Variants in PPFIA4 observed in about 807,000 individuals in gnomAD.
The protein encoded by PPFIA4 is PPFI scaffold protein A4.
A neutral mutation model predicts 145.7 loss-of-function variants in PPFIA4; 98 were observed. The observed-to-expected ratio is 0.67, with a 90% CI of 0.57 to 0.80. PPFIA4 has a LOEUF of 0.80. PPFIA4 is among the 30% of genes least tolerant of loss of function. The probability of loss-of-function intolerance (pLI) is 0.00; values close to 1 mark genes in which losing one functional copy is unlikely to be tolerated. For synonymous variants in PPFIA4, 628 were observed against 649.6 expected (o/e 0.97, Z 0.51); for missense variants, 1,457 against 1,632.7 (o/e 0.89, Z 1.85).
chr1:203,038,780 C>A lies in PPFIA4; in HGVS notation c.-229C>A. The A allele has an allele frequency of 2.4e-6, 1 of 412,318 alleles. No homozygotes were observed. The highest frequency in any genetic ancestry group is 4.7e-5 in the East Asian group (1 of 21,428). The allele number at this position is 412,318 out of a possible 1,614,324, so 25.5% of individuals were successfully genotyped here. ...GGGGACACAGGGCACCCAGCCCCAG[C>A]CCTGAGAAGTTAAGCCAGGCCTTCT... On this transcript the variant is annotated 5_prime_UTR_variant, in exon 2 of 30. Coordinates refer to ENST00000295706, the MANE Select transcript of PPFIA4 (RefSeq NM_001304331.2).
At chr1:203,044,622 G>A (rs1659934012) in intron 5 of PPFIA4, 74 bp from the exon 6 acceptor site, 4 of 1,446,046 alleles carry the variant, frequency 2.8e-6, no homozygotes, top group Non-Finnish European at 3.7e-6. Flanking sequence ...TAAGACAGGG[G>A]CTTTGGAAGG....
chr1:203,056,422 A>G lies in PPFIA4; in HGVS notation c.2154A>G (p.Lys718=), dbSNP rs756886591. 2 of 1,614,006 alleles carry G rather than the reference A, an allele frequency of 1.2e-6. No homozygotes were observed. The highest frequency in any genetic ancestry group is 1.7e-6 in the Non-Finnish European group (2 of 1,179,884). ...EENREDKATI[K]CETSPPSSPR... ...ACCGAGAGGATAAAGCCACCATAAA[A>G]TGTGAGACTTCTCCTCCTTCCTCAC... Residue 718 remains lysine (K), a synonymous_variant, in exon 18 of 30, where the codon AAA becomes AAG. Transcript: ENST00000295706.
At chr1:203,046,668 T>TC (rs1002128829) in intron 9 of PPFIA4, among the ~76,000 whole-genome samples, 2 of 151,610 alleles carry the variant, frequency 1.3e-5, no homozygotes, top group Non-Finnish European at 2.9e-5. Flanking sequence ...TTTCTTTTTT[T>TC]TTTTTTTTAA....
intron 19 of PPFIA4, 81 bp downstream of exon 19, chr1:203,057,031 C>A: frequency 6.3e-7 from 1 of 1,575,484 alleles, no homozygotes; most frequent in South Asian, 1.2e-5. Flanking sequence ...CTGGCCTTCT[C>A]TGCCTGCGTC....
At chr1:203,051,741 T>C (rs753192031) in intron 13 of PPFIA4, 28 bp from the exon 14 acceptor site, 60 of 1,590,214 alleles carry the variant, frequency 3.8e-5, no homozygotes, top group Non-Finnish European at 4.5e-5. Context: ...TCAGGGCCTG[T>C]CTTTTCTCTC....
At chr1:203,071,474 T>C (rs542090207) in intron 27 of PPFIA4, among the ~76,000 whole-genome samples, 1 of 110,540 alleles carries the variant, frequency 9.0e-6, no homozygotes. Context: ...TATGTTGTTC[T>C]AATTTGCTGT....
rs963621483 is a variant in PPFIA4 at position 203,077,776 on chromosome 1, C to T, written c.*1386C>T. 9 of 152,262 alleles carry T rather than the reference C, an allele frequency of 5.9e-5. No individual in the cohort carries two copies. Among genetic ancestry groups the T allele is most frequent in the African/African-American group, 1.9e-4 (8 of 41,458 alleles). 9.4% of individuals were successfully genotyped at this position (152,262 alleles called of 1,614,324 possible). ...AATACCCGCTCCTCACCTACTCCCT[C>T]ATCCTACCAAGGTGCCTGAAAATGT... On this transcript the variant is annotated 3_prime_UTR_variant, in exon 30 of 30. Coordinates refer to ENST00000295706, the MANE Select transcript of PPFIA4 (RefSeq NM_001304331.2).
At chr1:203,046,493 A>G (rs1312670121) in intron 9 of PPFIA4, 111 bp downstream of exon 9, 1 of 1,308,026 alleles carries the variant, frequency 7.6e-7, no homozygotes, top group Non-Finnish European at 1.0e-6. Context: ...GGAGCCAGAA[A>G]ACTGCTTCCC....
chr1:203,071,437 C>CTGAGATTACAGGCGTGAGCCACCGCGT (rs1553260988), intron 27 of PPFIA4, among the ~76,000 whole-genome samples: 1 of 151,726 alleles, frequency 6.6e-6, no homozygotes, highest in Non-Finnish European at 1.5e-5. Context: ...TCCCAAAGTG[C>CTGAGATTACAGGCGTGAGCCACCGCGT]CCGGCCACTA....
At chr1:203,069,755 ACCCCCCCG>A (rs1662004983) in intron 27 of PPFIA4, among the ~76,000 whole-genome samples, 1 of 104,766 alleles carries the variant, frequency 9.5e-6, no homozygotes. Context: ...TTCTGCAGTG[ACCCCCCCG>A]CCCCGCCCCC....
intron 2 of PPFIA4, among the ~76,000 whole-genome samples, chr1:203,042,630 TTTTA>T (rs1231275517): frequency 2.0e-5 from 3 of 149,338 alleles, no homozygotes; most frequent in Non-Finnish European, 4.4e-5. Context: ...TCCCTGTTTC[TTTTA>T]TTTATTTATT....
chr1:203,059,526 TC>T (rs1174005905), intron 20 of PPFIA4, among the ~76,000 whole-genome samples: 2 of 152,188 alleles, frequency 1.3e-5, no homozygotes, highest in East Asian at 3.8e-4. Context: ...GATTGAAATC[TC>T]TAAGTCAATG....
At position 203,048,399 on chromosome 1, in the gene PPFIA4, C is replaced by T; in HGVS notation, c.1224+89C>T. 3.3e-6 allele frequency: 5 copies of T among 1,508,874 alleles called. No homozygotes were observed. Among genetic ancestry groups the T allele is most frequent in the Non-Finnish European group, 4.5e-6 (5 of 1,106,022 alleles). The allele number at this position is 1,508,874 out of a possible 1,614,324, so 93.5% of individuals were successfully genotyped here. On this transcript the variant is annotated intron_variant, in intron 10 of 29. Coordinates refer to ENST00000295706, the MANE Select transcript of PPFIA4 (RefSeq NM_001304331.2). The surrounding 1 kb of genome is among the most constrained non-coding windows in gnomAD (Gnocchi z 5.8). ...CTGTGGAAGGGGCACGGAGGAAGGG[C>T]CTGGCCAGGGACACAGCCACAGAGA... is the stretch of plus-strand genomic sequence containing the variant.
In PPFIA4 at chr1:203,059,859, T is replaced by G. The variant is rs765482244; in HGVS notation, c.2583+8T>G. On this transcript the variant is annotated splice_region_variant and intron_variant, in intron 21 of 29. Coordinates refer to ENST00000295706, the MANE Select transcript of PPFIA4 (RefSeq NM_001304331.2). ...GTGGTCTCCTGGTTGGAGGTAAGCC[T>G]GAGCAAAGGGAGTCCACTCAGGGGT... The G allele has an allele frequency of 6.2e-7, 1 of 1,605,980 alleles. No individual in the cohort carries two copies. The highest frequency in any genetic ancestry group is 8.5e-7 in the Non-Finnish European group (1 of 1,175,258).
At position 203,048,982 on chromosome 1, in the gene PPFIA4, T is replaced by G; in HGVS notation, c.1419+2T>G. The G allele has an allele frequency of 6.5e-7, 1 of 1,548,118 alleles. No individual in the cohort carries two copies. The highest frequency in any genetic ancestry group is 8.7e-7 in the Non-Finnish European group (1 of 1,146,648). On this transcript the variant is annotated splice_donor_variant, in intron 12 of 29. Coordinates refer to ENST00000295706, the MANE Select transcript of PPFIA4 (RefSeq NM_001304331.2). LOFTEE classifies it high-confidence loss of function. This position sits in a 1 kb window ranked among gnomAD's most constrained non-coding sequence, Gnocchi z 5.8. ...ATTGAGGAGCAGCACCACCACAAGGTACCCGGCTGCGGCCAGCCCCGCCCA... is the reference window on the plus strand; with the variant it reads ...ATTGAGGAGCAGCACCACCACAAGGGACCCGGCTGCGGCCAGCCCCGCCCA...
rs12738520 is a variant in PPFIA4, at chr1:203,047,672, A to G, written c.1141-555A>G. ...GGCTAACATTTGTTGAGTGCTTACT[A>G]TGTTCTCAGTGTTCGCCTTGGATTA... On this transcript the variant is annotated intron_variant, in intron 9 of 29. Coordinates refer to ENST00000295706, the MANE Select transcript of PPFIA4 (RefSeq NM_001304331.2). Among the ~76,000 whole-genome samples, 415 of 152,218 alleles carry G rather than the reference A, an allele frequency of 2.7e-3. 1 individual carries two copies. The highest frequency in any genetic ancestry group is 3.3e-3 in the Non-Finnish European group (226 of 68,006).
chr1:203,035,432 A>T (rs1321020363), intron 1 of PPFIA4: 1 of 425,088 alleles, frequency 2.4e-6, no homozygotes, highest in Non-Finnish European at 4.8e-6. Context: ...TGGGATGCCA[A>T]AGAGGCCCCC....
Position 203,046,325 on chromosome 1 carries a change from A to C in PPFIA4, c.1083A>C (p.Ala361=). ...AGCTGCAGCAGACGATGCGCAAGGC[A>C]GAGACGCTGCCAGAGGTGGAGGCTG... ...EQKLQQTMRK[A]ETLPEVEAEL... is the part of the protein sequence containing the mutation. The change falls in exon 9 of 30, where the codon GCA becomes GCC. Residue 361 remains alanine (A), a synonymous_variant. Transcript: ENST00000295706. The C allele has an allele frequency of 6.3e-7, 1 of 1,594,948 alleles. No homozygotes were observed. The highest frequency in any genetic ancestry group is 8.5e-7 in the Non-Finnish European group (1 of 1,171,610).
At chr1:203,059,432 G>A (rs1661211013) in intron 20 of PPFIA4, among the ~76,000 whole-genome samples, 161 bp downstream of exon 20, 1 of 152,226 alleles carries the variant, frequency 6.6e-6, no homozygotes, top group Non-Finnish European at 1.5e-5. Context: ...GGGCTGGGAG[G>A]AGGTTCTTAG....
Sources: gnomAD v4.1 joint callset for allele counts (sites outside exome capture counted in the v4.1 genomes callset) on GRCh38, gnomAD v4.1.1 for gene constraint, Gnocchi (gnomAD v3.1) non-coding constraint, MANE v1.5 for transcripts, NCBI Gene and HGNC (gene_info 2026-07-23, HGNC 2026-07-21) for gene names.